DSPP: variants seen among roughly 807,000 people sequenced by gnomAD.
The protein encoded by DSPP is dentin sialophosphoprotein.
In DSPP, 28 loss-of-function variants were observed where a neutral mutation model predicts 29.1. That is an observed-to-expected ratio of 0.96 (90% confidence interval 0.71 to 1.32). The LOEUF (loss-of-function observed/expected upper bound fraction) is 1.32. Among genes scored for constraint, DSPP ranks in the 40% most tolerant of loss-of-function variants. DSPP has a pLI of 0.00. For synonymous variants in DSPP, 481 were observed against 503.4 expected (o/e 0.96, Z 0.60); for missense variants, 1,281 against 1,629.9 (o/e 0.79, Z 3.69).
In DSPP at chr4:87,613,854, G is replaced by A; in HGVS notation, c.1192G>A (p.Gly398Ser). The A allele has an allele frequency of 6.2e-7, 1 of 1,614,148 alleles. No individual in the cohort carries two copies. Among genetic ancestry groups the A allele is most frequent in the Non-Finnish European group, 8.5e-7 (1 of 1,180,026 alleles). Residue 398 changes from glycine to serine, a missense_variant, in exon 5 of 5, where the codon GGT becomes AGT. Physicochemically the swap from Gly to Ser is moderately conservative, Grantham distance 56 (BLOSUM62 0). Transcript: ENST00000651931. ...ITKEVGKGNE[G>S]KEDKGQHGMI... ...CAAAGAAGTTGGGAAAGGCAACGAAGGTAAAGAGGATAAAGGACAACATGG... is the reference window on the plus strand; with the variant it reads ...CAAAGAAGTTGGGAAAGGCAACGAAAGTAAAGAGGATAAAGGACAACATGG...
Position 87,612,721 on chromosome 4 carries a change from G to C in DSPP, c.535G>C (p.Val179Leu). The C allele has an allele frequency of 6.2e-7, 1 of 1,614,182 alleles. No individual in the cohort carries two copies. The highest frequency in any genetic ancestry group is 1.6e-4 in the Middle Eastern group (1 of 6,062). ...DAGHNEDVAV[V>L]QEDGPQVAGS... ...AGGTCACAATGAGGATGTCGCTGTT[G>C]TCCAAGAAGATGGACCTCAAGTAGC... The change falls in exon 4 of 5, where the codon GTC becomes CTC. Residue 179 changes from valine (V) to leucine (L), a missense_variant. This residue lies in a region of DSPP where 631 missense variants were observed against 643.2 expected (regional missense o/e 0.98). Transcript: ENST00000651931.
chr4:87,610,173 G>C (rs570528534), intron 1 of DSPP, among the ~76,000 whole-genome samples: 3 of 152,132 alleles, frequency 2.0e-5, no homozygotes, highest in Non-Finnish European at 4.4e-5. Context: ...AGTGCAATGC[G>C]TTACCAGTGA....
rs540184613 is a variant in DSPP at position 87,616,260 on chromosome 4, G to A, written c.3598G>A (p.Asp1200Asn). 4.9e-5 allele frequency: 75 copies of A among 1,532,604 alleles called. 8 individuals carry two copies. Among genetic ancestry groups the A allele is most frequent in the South Asian group, 6.1e-5 (5 of 81,626 alleles). 94.9% of individuals were successfully genotyped at this position (1,532,604 alleles called of 1,614,324 possible). The stretch of plus-strand genomic sequence containing the variant: ...CAGCAGCGACAGCAGCGATAGCAGC[G>A]ACAGCAGCGATAGTAGTGATAGCAG... The part of the protein sequence containing the change: ...SDSSDSSDSS[D>N]SSDSSDSSDS... The change falls in exon 5 of 5, where the codon GAC becomes AAC. Residue 1200 changes from aspartate (D) to asparagine (N), a missense_variant. Around this residue, in one of 4 missense-constraint regions of DSPP, gnomAD observed 134 missense variants for 185.0 expected, o/e 0.72. Transcript: ENST00000651931.
rs200641947 is a variant in DSPP, at chr4:87,612,138, G to A, written c.85G>A (p.Glu29Lys). The A allele has an allele frequency of 9.5e-5, 154 of 1,613,800 alleles. 1 individual carries two copies. The African/African-American group carries it at 1.3e-3, about 14-fold the overall frequency. Residue 29 changes from glutamate (E) to lysine (K), a missense_variant, in exon 3 of 5, where the codon GAA (glutamate) becomes AAA (lysine). Physicochemically the swap from Glu to Lys is moderately conservative, Grantham distance 56. Around this residue, in one of 4 missense-constraint regions of DSPP, gnomAD observed 631 missense variants for 643.2 expected, o/e 0.98. Transcript: ENST00000651931. ...PQSKPLERHV[E>K]KSMNLHLLAR... is the part of the protein sequence containing the mutation. Reference sequence around the variant, plus strand: ...AAGCAAACCACTGGAGAGACATGTCGAAAAATCCATGAATTTGCATCTCCT... The same window carrying A: ...AAGCAAACCACTGGAGAGACATGTCAAAAAATCCATGAATTTGCATCTCCT...
chr4:87,616,153 ATAG>A lies in DSPP; in HGVS notation c.3492_3494del (p.Ser1166del), dbSNP rs1727927994. ...AGCAGCGACAGCAGTGACAGCAGCG[ATAG>A]CAGCGACAGCAGCGACAGCAGCGAT... On this transcript the variant is annotated inframe_deletion, in exon 5 of 5. Coordinates refer to ENST00000651931, the MANE Select transcript of DSPP (RefSeq NM_014208.3). The A allele has an allele frequency of 7.9e-7, 1 of 1,259,496 alleles. No homozygotes were observed. The highest frequency in any genetic ancestry group is 2.9e-5 in the Admixed American group (1 of 34,724). 78.0% of individuals were successfully genotyped at this position (1,259,496 alleles called of 1,614,324 possible). A position where few individuals can be genotyped will look rare whatever the true frequency, so the allele number is the denominator to read the frequency against.
At chr4:87,609,545 C>T in intron 1 of DSPP, among the ~76,000 whole-genome samples, 1 of 152,208 alleles carries the variant, frequency 6.6e-6, no homozygotes, top group East Asian at 1.9e-4. Context: ...TCAGAAGGAG[C>T]TCTAGCTGTT....
Position 87,615,476 on chromosome 4 carries a change from C to G in DSPP, c.2814C>G (p.Ser938Arg). ...GTGACAACAGCAATAGCAGTGACAGCAGCAACAGCAGTGACAGCAGTGATA... is the reference window on the plus strand; with the variant it reads ...GTGACAACAGCAATAGCAGTGACAGGAGCAACAGCAGTGACAGCAGTGATA... ...NSSDNSNSSDSSNSSDSSDSS... is the reference protein window; with the variant it reads ...NSSDNSNSSDRSNSSDSSDSS... Residue 938 changes from serine to arginine, a missense_variant, in exon 5 of 5, where the codon AGC (serine) becomes AGG (arginine). By Grantham distance (110) the Ser-to-Arg change is moderately radical. Around this residue, in one of 4 missense-constraint regions of DSPP, gnomAD observed 444 missense variants for 611.4 expected, o/e 0.73. Transcript: ENST00000651931. 1 of 1,551,194 alleles carries G rather than the reference C, an allele frequency of 6.4e-7. No individual in the cohort carries two copies. The highest frequency in any genetic ancestry group is 8.7e-7 in the Non-Finnish European group (1 of 1,146,900).
intron 2 of DSPP, among the ~76,000 whole-genome samples, chr4:87,611,300 T>C (rs1727731207): frequency 6.6e-6 from 1 of 152,178 alleles, no homozygotes; most frequent in Non-Finnish European, 1.5e-5. Context: ...CCAGAAGTCA[T>C]GGAGACTTTG....
At chr4:87,611,495 A>G (rs1348721107) in intron 2 of DSPP, among the ~76,000 whole-genome samples, 1 of 152,132 alleles carries the variant, frequency 6.6e-6, no homozygotes, top group African/African-American at 2.4e-5. Context: ...TATGATGAAA[A>G]CCAATAAAAA....
chr4:87,615,429 A>G lies in DSPP; in HGVS notation c.2767A>G (p.Ser923Gly). The change falls in exon 5 of 5, where the codon AGC becomes GGC. Residue 923 changes from serine to glycine, a missense_variant. Physicochemically the swap from Ser to Gly is moderately conservative, Grantham distance 56. Around this residue, in one of 4 missense-constraint regions of DSPP, gnomAD observed 444 missense variants for 611.4 expected, o/e 0.73. Transcript: ENST00000651931. ...DSSDSSNSSDSSESSNSSDNS... is the reference protein window; with the variant it reads ...DSSDSSNSSDGSESSNSSDNS... ...CAGTGATAGCAGCAACAGCAGTGAT[A>G]GCAGTGAAAGCAGTAATAGTAGTGA... 3 of 1,536,912 alleles carry G rather than the reference A, an allele frequency of 2.0e-6. No individual in the cohort carries two copies. The highest frequency in any genetic ancestry group is 2.6e-6 in the Non-Finnish European group (3 of 1,139,418).
chr4:87,615,037 G>A lies in DSPP; in HGVS notation c.2375G>A (p.Ser792Asn). 1 of 1,551,118 alleles carries A rather than the reference G, an allele frequency of 6.4e-7. No homozygotes were observed. Among genetic ancestry groups the A allele is most frequent in the Non-Finnish European group, 8.7e-7 (1 of 1,146,776 alleles). The change falls in exon 5 of 5, where the codon AGT (serine) becomes AAT (asparagine). Residue 792 changes from serine to asparagine, a missense_variant. This residue lies in a region of DSPP where 444 missense variants were observed against 611.4 expected (regional missense o/e 0.73). Coordinates refer to ENST00000651931, the MANE Select transcript of DSPP (RefSeq NM_014208.3). ...SSDSNDSSNSSDSSDSSNSSD... is the reference protein window; with the variant it reads ...SSDSNDSSNSNDSSDSSNSSD... ...GATAGCAACGACAGCAGCAATAGCAGTGACAGCAGTGATAGCAGCAACAGC... is the reference window on the plus strand; with the variant it reads ...GATAGCAACGACAGCAGCAATAGCAATGACAGCAGTGATAGCAGCAACAGC...
chr4:87,611,087 G>C, intron 2 of DSPP, 128 bp downstream of exon 2: 2 of 922,556 alleles, frequency 2.2e-6, no homozygotes, highest in Non-Finnish European at 3.5e-6. Flanking sequence ...GTATATATGT[G>C]TGTGTGTATA....
chr4:87,614,584 ACAG>A lies in DSPP; in HGVS notation c.1926_1928del (p.Ser643del), dbSNP rs1727815766. ...AGCAGTGATAGTGACAGTAAGTCAG[ACAG>A]CAGTGACAGCAACAGCAGTGACAGT... On this transcript the variant is annotated inframe_deletion, in exon 5 of 5. Transcript: ENST00000651931. 1.3e-6 allele frequency: 2 copies of A among 1,551,300 alleles called. No individual in the cohort carries two copies. Among genetic ancestry groups the A allele is most frequent in the Admixed American group, 2.0e-5 (1 of 50,988 alleles).
At chr4:87,609,541 G>A (rs1578139398) in intron 1 of DSPP, among the ~76,000 whole-genome samples, 1 of 152,170 alleles carries the variant, frequency 6.6e-6, no homozygotes, top group Non-Finnish European at 1.5e-5. Context: ...CATTTCAGAA[G>A]GAGCTCTAGC....
At position 87,614,615 on chromosome 4, in the gene DSPP, T is replaced by G; in HGVS notation, c.1953T>G (p.Ser651Arg). 6.5e-7 allele frequency: 1 copy of G among 1,547,414 alleles called. No homozygotes were observed. Among genetic ancestry groups the G allele is most frequent in the Non-Finnish European group, 8.7e-7 (1 of 1,144,206 alleles). ...GTGACAGCAACAGCAGTGACAGTAG[T>G]GACAACAGTGATAGCAGCGACAGCA... ...DSSDSNSSDS[S>R]DNSDSSDSSN... The change falls in exon 5 of 5, where the codon AGT becomes AGG. Residue 651 changes from serine to arginine, a missense_variant. Physicochemically the swap from Ser to Arg is moderately radical, Grantham distance 110. Around this residue, in one of 4 missense-constraint regions of DSPP, gnomAD observed 444 missense variants for 611.4 expected, o/e 0.73. Transcript: ENST00000651931.
At position 87,615,192 on chromosome 4, in the gene DSPP, AGCAGCGATAGCAGTGACG is replaced by A. The variant is rs1445366692; in HGVS notation, c.2535_2552del (p.Ser848_Ser853del). 17 of 1,515,834 alleles carry A rather than the reference AGCAGCGATAGCAGTGACG, an allele frequency of 1.1e-5. No homozygotes were observed. The highest frequency in any genetic ancestry group is 2.6e-5 in the East Asian group (1 of 38,944). The allele number at this position is 1,515,834 out of a possible 1,614,324, so 93.9% of individuals were successfully genotyped here. A position where few individuals can be genotyped will look rare whatever the true frequency, so the allele number is the denominator to read the frequency against. On this transcript the variant is annotated inframe_deletion, in exon 5 of 5. Coordinates refer to ENST00000651931, the MANE Select transcript of DSPP (RefSeq NM_014208.3). ...CAGCAACAGCAGTGATAGCAGCGAC[AGCAGCGATAGCAGTGACG>A]GCAGTGATAGCGACAGCAGCAATAG...
chr4:87,614,399 T>C lies in DSPP; in HGVS notation c.1737T>C (p.Asp579=), dbSNP rs371472252. ...SDSSDSNSSS[D]SDSSDSDSSD... ...GCAGTGATAGCAACAGTAGCAGTGATAGTGACAGCAGTGACAGTGACAGCA... is the reference window on the plus strand; with the variant it reads ...GCAGTGATAGCAACAGTAGCAGTGACAGTGACAGCAGTGACAGTGACAGCA... Residue 579 remains aspartate, a synonymous_variant, in exon 5 of 5, where the codon GAT becomes GAC. Transcript: ENST00000651931. 2.5e-5 allele frequency: 39 copies of C among 1,568,482 alleles called. No individual in the cohort carries two copies. The highest frequency in any genetic ancestry group is 4.1e-5 in the African/African-American group (3 of 72,994).
Position 87,616,791 on chromosome 4 carries a change from T to C in DSPP, c.*223T>C. The stretch of plus-strand genomic sequence containing the variant: ...ACCTTTGGTACATGCCTGTTAATAT[T>C]CATGTTCTGAAAATATTTTGTTAAA... On this transcript the variant is annotated 3_prime_UTR_variant, in exon 5 of 5. Transcript: ENST00000651931. The C allele has an allele frequency of 3.0e-6, 2 of 676,306 alleles. No homozygotes were observed. The highest frequency in any genetic ancestry group is 2.5e-6 in the Non-Finnish European group (1 of 405,882). The allele number at this position is 676,306 out of a possible 1,614,324, so 41.9% of individuals were successfully genotyped here.
chr4:87,613,243 A>C lies in DSPP; in HGVS notation c.1057A>C (p.Lys353Gln). The C allele has an allele frequency of 6.2e-7, 1 of 1,613,946 alleles. No homozygotes were observed. Among genetic ancestry groups the C allele is most frequent in the Non-Finnish European group, 8.5e-7 (1 of 1,180,034 alleles). The change falls in exon 4 of 5, where the codon AAA becomes CAA. Residue 353 changes from lysine to glutamine, a missense_variant. By Grantham distance (53) the Lys-to-Gln change is moderately conservative. Coordinates refer to ENST00000651931, the MANE Select transcript of DSPP (RefSeq NM_014208.3). ...CCAGAAGCTCAACCATAGAGAAAGC[A>C]AACGCGTAGAAAATAGAATCACCAA... is the stretch of plus-strand genomic sequence containing the variant. The part of the protein sequence containing the change: ...DTQKLNHRES[K>Q]RVENRITKES...
Sources: allele counts gnomAD v4.1 joint callset (sites outside exome capture counted in the v4.1 genomes callset), GRCh38; gene constraint gnomAD v4.1.1; regional missense constraint gnomAD v4.1.1; transcripts MANE v1.5; gene names NCBI Gene and HGNC (gene_info 2026-07-23, HGNC 2026-07-21).